Variants in ACLY observed in about 807,000 individuals in gnomAD.
ACLY encodes the protein ATP citrate lyase, also known as ATP-citrate synthase.
In ACLY, 41 loss-of-function variants were observed where a neutral mutation model predicts 133.0. The observed-to-expected ratio is 0.31, with a 90% CI of 0.24 to 0.40. The LOEUF (loss-of-function observed/expected upper bound fraction) is 0.40, where lower values mean the gene tolerates loss of function less well. Among genes scored for constraint, ACLY ranks in the 10% least tolerant of loss-of-function variants. ACLY has a pLI of 1.00. For synonymous variants in ACLY, 495 were observed against 549.3 expected, an observed-to-expected ratio of 0.90 and a Z score of 1.38; for missense variants, 1,046 against 1,453.8, an observed-to-expected ratio of 0.72 and a Z score of 4.56.
upstream of ACLY, among the ~76,000 whole-genome samples, chr17:41,923,593 C>T (rs1598057236): frequency 6.6e-6 from 1 of 152,156 alleles, no homozygotes; most frequent in Admixed American, 6.6e-5. Flanking sequence ...CTGTAAGCAA[C>T]CCAAGGCCTA....
intron 16 of ACLY, among the ~76,000 whole-genome samples, chr17:41,888,465 G>A (rs1056819488): frequency 1.1e-4 from 16 of 152,184 alleles, no homozygotes; most frequent in Non-Finnish European, 8.8e-5. Flanking sequence ...CAGGGTCAGC[G>A]TTTAAGAGAA....
intron 19 of ACLY, 50 bp from the exon 20 acceptor site, chr17:41,883,282 T>G: frequency 6.6e-7 from 1 of 1,516,794 alleles, no homozygotes; most frequent in Non-Finnish European, 9.1e-7. Context: ...CAGCCCATCC[T>G]GACGTAAAAA....
At chr17:41,910,186 G>A (rs1555633417) in intron 4 of ACLY, 36 bp downstream of exon 4, 1 of 1,599,958 alleles carries the variant, frequency 6.3e-7, no homozygotes, top group Non-Finnish European at 8.5e-7. Context: ...GGTTCCAGGA[G>A]GGAGAAGACC....
At chr17:41,906,770 G>A in intron 7 of ACLY, 124 bp from the exon 8 acceptor site, 3 of 861,344 alleles carry the variant, frequency 3.5e-6, no homozygotes, top group Non-Finnish European at 5.7e-6. Context: ...GTGGGAAGAA[G>A]GGGCTACGCA....
chr17:41,926,440 T>C (rs2050244587), intron 1 of ACLY, among the ~76,000 whole-genome samples: 1 of 152,254 alleles, frequency 6.6e-6, no homozygotes, highest in Admixed American at 6.5e-5. Flanking sequence ...CACAGTGCTT[T>C]ATAAATTGCC....
At chr17:41,915,775 G>A (rs1365548400) in intron 1 of ACLY, among the ~76,000 whole-genome samples, 1 of 151,870 alleles carries the variant, frequency 6.6e-6, no homozygotes, top group South Asian at 2.1e-4. Context: ...CAGAAAAACT[G>A]GTCCTCAGAT....
chr17:41,892,162 G>A (rs1319104128), intron 16 of ACLY, 117 bp downstream of exon 16: 17 of 1,016,700 alleles, frequency 1.7e-5, no homozygotes, highest in Admixed American at 6.0e-5. Context: ...CAGCAGTGAC[G>A]GGACATCAAC....
In ACLY at chr17:41,883,121, C is replaced by A. The variant is rs200343210; in HGVS notation, c.2265+1G>T. The stretch of plus-strand genomic sequence containing the variant: ...CCAGAAGTGACCCATCTCAGCCATA[C>A]CTCAGAGGAGAACATGGTGGCACAC... On this transcript the variant is annotated splice_donor_variant, in intron 20 of 28. Coordinates refer to ENST00000352035, the MANE Select transcript of ACLY (RefSeq NM_001096.3). LOFTEE classifies it high-confidence loss of function. The A allele has an allele frequency of 6.2e-7, 1 of 1,613,486 alleles. No homozygotes were observed. Among genetic ancestry groups the A allele is most frequent in the African/African-American group, 1.3e-5 (1 of 75,020 alleles).
chr17:41,900,898 G>C (rs1005611377), intron 11 of ACLY, among the ~76,000 whole-genome samples: 1 of 151,902 alleles, frequency 6.6e-6, no homozygotes, highest in Non-Finnish European at 1.5e-5. Flanking sequence ...CTCTCCAAGA[G>C]TCACCATGGC....
intron 10 of ACLY, 74 bp from the exon 11 acceptor site, chr17:41,901,887 A>G (rs1252365221): frequency 4.2e-6 from 5 of 1,189,930 alleles, no homozygotes; most frequent in Non-Finnish European, 4.8e-6. Context: ...TGATAAACAA[A>G]CATACCAGGT....
intron 1 of ACLY, among the ~76,000 whole-genome samples, chr17:41,917,563 A>T (rs1043734617): frequency 4.6e-5 from 7 of 152,160 alleles, no homozygotes; most frequent in Non-Finnish European, 1.0e-4. Context: ...GAAGGGAATC[A>T]CTGGGGATGC....
chr17:41,909,949 G>A (rs782708928), intron 4 of ACLY, among the ~76,000 whole-genome samples: 1 of 152,172 alleles, frequency 6.6e-6, no homozygotes, highest in African/African-American at 2.4e-5. Context: ...ACCAACCCCA[G>A]CTGAGGGGTG....
intron 15 of ACLY, among the ~76,000 whole-genome samples, chr17:41,892,719 C>T (rs2049249712): frequency 1.3e-5 from 2 of 151,870 alleles, no homozygotes; most frequent in South Asian, 4.2e-4. Flanking sequence ...CTCTGTCACC[C>T]GGGCTGGAGT....
Position 41,927,134 on chromosome 17 carries a change from C to T in ACLY, c.-28+3224G>A, listed in dbSNP as rs139154741. Among the ~76,000 whole-genome samples the T allele has an allele frequency of 8.4e-4, 128 of 152,326 alleles. 1 individual carries two copies. The East Asian group carries it at 0.016, about 19-fold the overall frequency. On this transcript the variant is annotated intron_variant, in intron 1 of 3. Transcript: ENST00000592970. Reference sequence around the variant, plus strand: ...CCACCCACCTCAGCCTCCCAAAGTACTAGGATTACAGGCTTGAGCCACCAT... The same window carrying T: ...CCACCCACCTCAGCCTCCCAAAGTATTAGGATTACAGGCTTGAGCCACCAT...
At chr17:41,873,071 G>T (rs952297937) in intron 23 of ACLY, among the ~76,000 whole-genome samples, 5 of 152,084 alleles carry the variant, frequency 3.3e-5, no homozygotes, top group African/African-American at 1.2e-4. Context: ...CTGCCCAGCC[G>T]TCAGTCCCAC....
rs781865571 is a variant in ACLY at position 41,913,795 on chromosome 17, T to G, written c.79A>C (p.Asn27His). 2 of 1,614,226 alleles carry G rather than the reference T, an allele frequency of 1.2e-6. No individual in the cohort carries two copies. Among genetic ancestry groups the G allele is most frequent in the Non-Finnish European group, 1.7e-6 (2 of 1,180,038 alleles). Residue 27 changes from asparagine (N) to histidine (H), a missense_variant, in exon 2 of 29, where the codon AAT becomes CAT. Around this residue, in one of 4 missense-constraint regions of ACLY, gnomAD observed 227 missense variants for 245.6 expected, o/e 0.92. Coordinates refer to ENST00000352035, the MANE Select transcript of ACLY (RefSeq NM_001096.3). ...GTGACCCGAGCATACTTGAACCGAT[T>G]CTGGATGGCTGAGGTGGTACAGATG... is the stretch of plus-strand genomic sequence containing the variant. Reference protein sequence around the residue: ...KFICTTSAIQNRFKYARVTPD... With the variant: ...KFICTTSAIQHRFKYARVTPD...
chr17:41,930,042 G>A (rs2050298523), intron 1 of ACLY, among the ~76,000 whole-genome samples: 1 of 152,232 alleles, frequency 6.6e-6, no homozygotes, highest in Non-Finnish European at 1.5e-5. Context: ...AGTGGTGATG[G>A]TGAGGGAATG....
At chr17:41,907,714 G>T in intron 6 of ACLY, 142 bp from the exon 7 acceptor site, 1 of 921,456 alleles carries the variant, frequency 1.1e-6, no homozygotes, top group Non-Finnish European at 1.6e-6. Flanking sequence ...AACCAGAGAG[G>T]CCCTTATGGA....
At chr17:41,911,944 G>A (rs887784682) in intron 3 of ACLY, among the ~76,000 whole-genome samples, 1 of 151,990 alleles carries the variant, frequency 6.6e-6, no homozygotes, top group East Asian at 1.9e-4. Flanking sequence ...GAGAAACCTC[G>A]TCTCTACTAA....
Sources: allele counts gnomAD v4.1 joint callset (sites outside exome capture counted in the v4.1 genomes callset), GRCh38; gene constraint gnomAD v4.1.1; regional missense constraint gnomAD v4.1.1; transcripts MANE v1.5; gene names NCBI Gene and HGNC (gene_info 2026-07-23, HGNC 2026-07-21).